The following DENND3 variants were observed in gnomAD, a reference collection of about 807,000 sequenced individuals.
DENND3 encodes the protein DENN domain-containing protein 3.
Under a neutral mutation model 135.1 loss-of-function variants are expected in DENND3, and 88 were observed. The ratio of observed to expected loss-of-function variants is 0.65; its 90% confidence interval spans 0.55 to 0.78. The LOEUF (loss-of-function observed/expected upper bound fraction) is 0.78, where lower values mean the gene tolerates loss of function less well. Ranked by LOEUF, DENND3 falls within the 30% of genes least tolerant of loss-of-function variation. The pLI is 0.00. For synonymous variants in DENND3, 693 were observed against 712.3 expected, an observed-to-expected ratio of 0.97 and a Z score of 0.43; for missense variants, 1,392 against 1,688.4, an observed-to-expected ratio of 0.82 and a Z score of 3.08.
At chr8:141,136,099 AC>A (rs34982002) in intron 1 of DENND3, among the ~76,000 whole-genome samples, 21,610 of 152,166 alleles carry the variant, frequency 0.14, 2,005 homozygotes, top group East Asian at 0.48. Context: ...TGAGTACCGG[AC>A]CCACATTGTC....
intron 5 of DENND3, among the ~76,000 whole-genome samples, chr8:141,145,798 G>T (rs1817949967): frequency 1.9e-5 from 2 of 103,158 alleles, no homozygotes; most frequent in Non-Finnish European, 4.2e-5. Flanking sequence ...CTTTAATATT[G>T]AATATTATAT....
chr8:141,161,976 T>C (rs948268984), intron 9 of DENND3, among the ~76,000 whole-genome samples: 4 of 152,018 alleles, frequency 2.6e-5, no homozygotes, highest in African/African-American at 4.8e-5. Flanking sequence ...ACTAATTTTT[T>C]CTATTTTTAG....
In DENND3 at chr8:141,182,056, G is replaced by A. The variant is rs1378519432; in HGVS notation, c.2944+1202G>A. Among the ~76,000 whole-genome samples the A allele has an allele frequency of 1.6e-4, 25 of 152,144 alleles. No homozygotes were observed. Among genetic ancestry groups the A allele is most frequent in the Admixed American group, 6.5e-5 (1 of 15,280 alleles). On this transcript the variant is annotated intron_variant, in intron 17 of 22. Transcript: ENST00000519811. This position sits in a 1 kb window ranked among gnomAD's most constrained non-coding sequence, Gnocchi z 5.9. ...CGATACCTCTCCACCTTGGCCTCCC[G>A]AAGCGCTGGGATTACAGGTGTGAGC...
chr8:141,181,108 C>T (rs542095865), intron 17 of DENND3, among the ~76,000 whole-genome samples: 1 of 152,336 alleles, frequency 6.6e-6, no homozygotes, highest in African/African-American at 2.4e-5. Flanking sequence ...AGCACTTGAG[C>T]TCCCGCCCCA....
intron 17 of DENND3, among the ~76,000 whole-genome samples, chr8:141,183,419 A>ATT (rs1224506549): frequency 7.4e-4 from 90 of 121,640 alleles, no homozygotes; most frequent in East Asian, 1.9e-3. Context: ...CAATTTTTGT[A>ATT]TTTTTTTTTT....
chr8:141,190,422 G>C lies in DENND3; in HGVS notation c.3379+5G>C. On this transcript the variant is annotated splice_donor_5th_base_variant and intron_variant, in intron 20 of 22. Transcript: ENST00000519811. Reference sequence around the variant, plus strand: ...ACGGCGGCCGCCTGTGGTGCTGTAAGTCCGGCCCCTGCCATCAGAGCGGGC... The same window carrying C: ...ACGGCGGCCGCCTGTGGTGCTGTAACTCCGGCCCCTGCCATCAGAGCGGGC... The C allele has an allele frequency of 6.2e-7, 1 of 1,604,386 alleles. No individual in the cohort carries two copies. The highest frequency in any genetic ancestry group is 1.1e-5 in the South Asian group (1 of 89,712).
intron 9 of DENND3, among the ~76,000 whole-genome samples, chr8:141,161,535 G>A (rs1021174508): frequency 5.9e-5 from 9 of 152,216 alleles, no homozygotes; most frequent in Admixed American, 5.9e-4. Flanking sequence ...CTTAAGGAAT[G>A]TATGGCAAAA....
At position 141,193,688 on chromosome 8, in the gene DENND3, G is replaced by A. The variant is rs1305893869; in HGVS notation, c.3637-345G>A. On this transcript the variant is annotated intron_variant, in intron 22 of 22. Coordinates refer to ENST00000519811, the MANE Select transcript of DENND3 (RefSeq NM_001352890.3). ...AATTATATATATCTAAGGTATACAA[G>A]GTGATATTTCAGTATACATTGTGAA... 2.1e-5 allele frequency: 7 copies of A among 334,794 alleles called. No homozygotes were observed. The South Asian group carries it at 2.8e-4, about 14-fold the overall frequency. 20.7% of individuals were successfully genotyped at this position (334,794 alleles called of 1,614,324 possible). A position where few individuals can be genotyped will look rare whatever the true frequency, so the allele number is the denominator to read the frequency against.
In DENND3 at chr8:141,128,727, C is replaced by T. The variant is rs1175708689; in HGVS notation, c.20C>T (p.Pro7Leu). 1.7e-5 allele frequency: 24 copies of T among 1,435,540 alleles called. No homozygotes were observed. In the East Asian group the frequency reaches 1.8e-4, roughly 11 times the overall value. The allele number at this position is 1,435,540 out of a possible 1,614,324, so 88.9% of individuals were successfully genotyped here. Residue 7 changes from proline (P) to leucine (L), a missense_variant, in exon 1 of 23, where the codon CCG becomes CTG. Coordinates refer to ENST00000519811, the MANE Select transcript of DENND3 (RefSeq NM_001352890.3). This position sits in a 1 kb window ranked among gnomAD's most constrained non-coding sequence, Gnocchi z 4.5. Reference protein sequence around the residue: MAEAASPHLSLPSGLLE... With the variant: MAEAASLHLSLPSGLLE... ...GCAGCCATGGCGGAGGCCGCGTCGC[C>T]GCACTTGTCGCTGCCCTCGGGGCTG...
intron 18 of DENND3, among the ~76,000 whole-genome samples, chr8:141,187,518 G>C (rs185726533): frequency 7.9e-5 from 12 of 152,230 alleles, no homozygotes; most frequent in Non-Finnish European, 1.6e-4. Context: ...GAGCCACTGC[G>C]CCCGGCCATG....
chr8:141,157,345 G>C, intron 8 of DENND3: 1 of 985,438 alleles, frequency 1.0e-6, no homozygotes, highest in Non-Finnish European at 1.2e-6. Context: ...CAGCTTCAGT[G>C]CCAGGGCTCC....
intron 13 of DENND3, among the ~76,000 whole-genome samples, chr8:141,172,117 G>C (rs971919412): frequency 7.9e-5 from 12 of 151,022 alleles, no homozygotes; most frequent in African/African-American, 2.9e-4. Flanking sequence ...ACGGTGGTGG[G>C]CGTGCACGGT....
At chr8:141,187,403 T>G (rs1256764804) in intron 18 of DENND3, among the ~76,000 whole-genome samples, 1 of 152,076 alleles carries the variant, frequency 6.6e-6, no homozygotes, top group African/African-American at 2.4e-5. Flanking sequence ...TTTTGTATTT[T>G]GAGTAGAGAT....
In DENND3 at chr8:141,189,129, C is replaced by T. The variant is rs374501159; in HGVS notation, c.3228C>T (p.Asp1076=). 4.4e-5 allele frequency: 71 copies of T among 1,614,054 alleles called. No homozygotes were observed. Among genetic ancestry groups the T allele is most frequent in the Non-Finnish European group, 5.0e-5 (59 of 1,180,022 alleles). ...GTGTCACGGATTTGATTGTGCAGGA[C>T]GGACAGGAGGCACCCAGGTGCAGTA... is the stretch of plus-strand genomic sequence containing the variant. ...CSSVTDLIVQ[D]GQEAPSNVYS... Residue 1076 remains aspartate, a synonymous_variant, in exon 19 of 23, where the codon GAC becomes GAT. Transcript: ENST00000519811.
intron 8 of DENND3, among the ~76,000 whole-genome samples, 200 bp from the exon 9 acceptor site, chr8:141,160,432 G>T (rs1174450028): frequency 6.6e-6 from 1 of 152,104 alleles, no homozygotes; most frequent in South Asian, 2.1e-4. Context: ...CACCCACCTC[G>T]GCCTCCCAAA....
In DENND3 at chr8:141,189,022, G is replaced by A; in HGVS notation, c.3121G>A (p.Val1041Ile). ...GATGGCCGACCAGAACCAGGTGTGG[G>A]TTGGCTCGGAAGACTCCGTCATCTA... ...MVMADQNQVW[V>I]GSEDSVIYII... is the part of the protein sequence containing the mutation. The change falls in exon 19 of 23, where the codon GTT becomes ATT. Residue 1041 changes from valine to isoleucine, a missense_variant. By Grantham distance (29) the Val-to-Ile change is conservative. Transcript: ENST00000519811. 6.2e-7 allele frequency: 1 copy of A among 1,614,128 alleles called. No homozygotes were observed. The highest frequency in any genetic ancestry group is 2.2e-5 in the East Asian group (1 of 44,876).
rs528117267 is a variant in DENND3, at chr8:141,130,550, C to G, written c.102+1741C>G. 6.6e-6 allele frequency among the ~76,000 whole-genome samples: 1 copy of G among 152,054 alleles called. No individual in the cohort carries two copies. Among genetic ancestry groups the G allele is most frequent in the African/African-American group, 2.4e-5 (1 of 41,382 alleles). On this transcript the variant is annotated intron_variant, in intron 1 of 22. Coordinates refer to ENST00000519811, the MANE Select transcript of DENND3 (RefSeq NM_001352890.3). This position sits in a 1 kb window ranked among gnomAD's most constrained non-coding sequence, Gnocchi z 4.2. ...AGTGAAGGACTAAGAAAATAAGGAG[C>G]GTTAGGGGATGGATTCCATTTCTTG...
chr8:141,160,932 CT>C, intron 9 of DENND3, 145 bp downstream of exon 9: 1 of 1,080,894 alleles, frequency 9.3e-7, no homozygotes, highest in Admixed American at 2.9e-5. Flanking sequence ...CCTGCCAAAG[CT>C]TTTCTTGTGA....
At position 141,138,138 on chromosome 8, in the gene DENND3, G is replaced by A; in HGVS notation, c.501+1G>A. On this transcript the variant is annotated splice_donor_variant, in intron 3 of 22. Coordinates refer to ENST00000519811, the MANE Select transcript of DENND3 (RefSeq NM_001352890.3). LOFTEE classifies it high-confidence loss of function. The surrounding 1 kb of genome is among the most constrained non-coding windows in gnomAD (Gnocchi z 4.8). ...GGCCCAGTACTACCGGCCCCTGCAT[G>A]TAGGTGGTTCCCGTTACTCCCCTCT... The A allele has an allele frequency of 6.3e-7, 1 of 1,599,742 alleles. No homozygotes were observed. Among genetic ancestry groups the A allele is most frequent in the Non-Finnish European group, 8.5e-7 (1 of 1,172,104 alleles).
Sources: gnomAD v4.1 joint callset for allele counts (sites outside exome capture counted in the v4.1 genomes callset) on GRCh38, gnomAD v4.1.1 for gene constraint, Gnocchi (gnomAD v3.1) non-coding constraint, MANE v1.5 for transcripts, NCBI Gene and HGNC (gene_info 2026-07-23, HGNC 2026-07-21) for gene names.